Variants in ART3 observed in about 807,000 individuals in gnomAD.
The protein encoded by ART3 is ADP-ribosyltransferase 3 (inactive).
ART3 carries 49 observed loss-of-function variants against 48.5 expected under a neutral mutation model. The ratio of observed to expected loss-of-function variants is 1.01; its 90% CI spans 0.80 to 1.28. ART3 has a LOEUF of 1.28. Among genes scored for constraint, ART3 ranks in the 50% most tolerant of loss-of-function variants. ART3 has a pLI of 0.00. For missense variants in ART3, 438 were observed against 454.3 expected (o/e 0.96, Z 0.33); for synonymous variants, 145 against 157.2 (o/e 0.92, Z 0.58).
intron 1 of ART3, among the ~76,000 whole-genome samples, chr4:76,038,629 AAC>A (rs1734659314): frequency 6.6e-6 from 1 of 152,214 alleles, no homozygotes. Flanking sequence ...CAGCATTAGA[AAC>A]ACAGTAGAGC....
chr4:76,017,312 C>T (rs2149359740), intron 1 of ART3, among the ~76,000 whole-genome samples: 1 of 152,018 alleles, frequency 6.6e-6, no homozygotes, highest in Admixed American at 6.6e-5. Flanking sequence ...AGCAGTGGGT[C>T]CTTCCCTTCA....
intron 1 of ART3, among the ~76,000 whole-genome samples, chr4:76,015,885 T>C (rs1467945381): frequency 1.3e-5 from 2 of 152,248 alleles, no homozygotes; most frequent in Non-Finnish European, 2.9e-5. Flanking sequence ...GGCCTTGGCC[T>C]CCTAGAGTGC....
intron 3 of ART3, among the ~76,000 whole-genome samples, chr4:76,086,105 A>ACC (rs371291432): frequency 3.5e-4 from 50 of 144,094 alleles, no homozygotes; most frequent in African/African-American, 1.2e-3. Flanking sequence ...CTACCATATG[A>ACC]CCCAGTAATC....
intron 5 of ART3, chr4:76,099,266 G>T (rs1021987691): frequency 5.0e-6 from 2 of 402,548 alleles, no homozygotes; most frequent in Non-Finnish European, 9.3e-6. Flanking sequence ...TGCACCCACT[G>T]CACTCCAGCC....
Position 76,069,581 on chromosome 4 carries a change from G to A in ART3, c.-9-6300G>A, listed in dbSNP as rs28615853. Among the ~76,000 whole-genome samples the A allele has an allele frequency of 9.1e-4, 138 of 151,348 alleles. 1 individual carries two copies. The highest frequency in any genetic ancestry group is 2.1e-4 in the Non-Finnish European group (14 of 67,842). On this transcript the variant is annotated intron_variant, in intron 1 of 9. Coordinates refer to the ART3 transcript ENST00000341029. ...ATTTTTGTATTTTTAGTAGATACAC[G>A]GTTTCACCATGTTAGCCAGGCCAGT...
At chr4:76,079,050 C>G (rs1246790683) in intron 2 of ART3, among the ~76,000 whole-genome samples, 1 of 152,058 alleles carries the variant, frequency 6.6e-6, no homozygotes, top group Non-Finnish European at 1.5e-5. Context: ...CACTGCACTC[C>G]AGCCTGGGCG....
rs748852335 is a variant in ART3 at position 76,023,321 on chromosome 4, CT to C, written c.-10+12002del. The C allele has an allele frequency of 4.4e-5, 61 of 1,371,868 alleles. No homozygotes were observed. In the African/African-American group the frequency reaches 7.3e-4, roughly 16 times the overall value. The allele number at this position is 1,371,868 out of a possible 1,614,324, so 85.0% of individuals were successfully genotyped here. A position where few individuals can be genotyped will look rare whatever the true frequency, so the allele number is the denominator to read the frequency against. ...ATTTCTGTATTTTTAGAATTTATAC[CT>C]ATTCCTATTTCTCATTTTACAAATT... On this transcript the variant is annotated intron_variant, in intron 1 of 9. Transcript: ENST00000341029.
Position 76,082,430 on chromosome 4 carries a change from C to A in ART3, c.676C>A (p.Pro226Thr). The change falls in exon 3 of 12, where the codon CCT becomes ACT. Residue 226 changes from proline to threonine, a missense_variant. Coordinates refer to ENST00000355810, the MANE Select transcript of ART3 (RefSeq NM_001130016.3). The part of the protein sequence containing the change: ...DKESERITLI[P>T]LNEVFQVSQE... Reference sequence around the variant, plus strand: ...AGAAAGTGAAAGAATTACTTTAATACCTCTGAATGAGGTTTTTCAAGTGTC... The same window carrying A: ...AGAAAGTGAAAGAATTACTTTAATAACTCTGAATGAGGTTTTTCAAGTGTC... 7.4e-6 allele frequency: 12 copies of A among 1,613,836 alleles called. No individual in the cohort carries two copies. Among genetic ancestry groups the A allele is most frequent in the Non-Finnish European group, 1.0e-5 (12 of 1,180,016 alleles).
chr4:76,112,691 T>C lies in ART3; in HGVS notation c.*172T>C. 1 of 686,672 alleles carries C rather than the reference T, an allele frequency of 1.5e-6. No homozygotes were observed. The highest frequency in any genetic ancestry group is 3.6e-5 in the Admixed American group (1 of 27,906). 42.5% of individuals were successfully genotyped at this position (686,672 alleles called of 1,614,324 possible). A position where few individuals can be genotyped will look rare whatever the true frequency, so the allele number is the denominator to read the frequency against. ...TTCAGAAAGTTGGTCCAGATATATG[T>C]CACAGAACTTTTCACTTGTATACTA... On this transcript the variant is annotated 3_prime_UTR_variant, in exon 12 of 12. Coordinates refer to ENST00000355810, the MANE Select transcript of ART3 (RefSeq NM_001130016.3).
At chr4:76,105,516 GT>G (rs1314052244) in intron 10 of ART3, 13 of 1,288,760 alleles carry the variant, frequency 1.0e-5, no homozygotes, top group Non-Finnish European at 1.2e-5. Context: ...CCTCTTTCTT[GT>G]TTAGGAATAA....
intron 1 of ART3, among the ~76,000 whole-genome samples, chr4:76,038,696 A>ATTATTTATTTAT (rs58279842): frequency 2.7e-5 from 4 of 149,528 alleles, no homozygotes; most frequent in African/African-American, 9.9e-5. Flanking sequence ...TCCACCCTTG[A>ATTATTTATTTAT]TTATTTATTT....
At chr4:76,050,492 T>A (rs1735953956) in intron 1 of ART3, among the ~76,000 whole-genome samples, 1 of 152,156 alleles carries the variant, frequency 6.6e-6, no homozygotes, top group African/African-American at 2.4e-5. Flanking sequence ...TTTACAAACC[T>A]TGAGCTAGAT....
intron 1 of ART3, among the ~76,000 whole-genome samples, chr4:76,049,884 G>A (rs537153923): frequency 8.6e-5 from 13 of 151,998 alleles, no homozygotes; most frequent in African/African-American, 1.9e-4. Flanking sequence ...AAGGTGGCGC[G>A]TCTGGAGTTT....
At chr4:76,102,444 T>G (rs539472402) in intron 8 of ART3, among the ~76,000 whole-genome samples, 57 of 152,266 alleles carry the variant, frequency 3.7e-4, no homozygotes, top group African/African-American at 1.3e-3. Context: ...AAACTTAGTC[T>G]GAAGCAATGG....
intron 1 of ART3, among the ~76,000 whole-genome samples, chr4:76,030,164 C>T (rs1733746266): frequency 6.6e-6 from 1 of 152,216 alleles, no homozygotes; most frequent in African/African-American, 2.4e-5. Context: ...TCAAGCGATT[C>T]TCCTGCCTCA....
intron 3 of ART3, among the ~76,000 whole-genome samples, chr4:76,094,501 G>T (rs1419171949): frequency 6.6e-6 from 1 of 152,124 alleles, no homozygotes; most frequent in Non-Finnish European, 1.5e-5. Flanking sequence ...CTTTGTTCTG[G>T]TACATAGTTA....
intron 3 of ART3, among the ~76,000 whole-genome samples, chr4:76,091,044 A>G (rs1241391768): frequency 2.0e-5 from 3 of 152,216 alleles, no homozygotes; most frequent in Non-Finnish European, 4.4e-5. Context: ...TTCACTCGGC[A>G]TAATTGTTTT....
At chr4:76,061,643 C>T (rs1285103125) in intron 1 of ART3, among the ~76,000 whole-genome samples, 1 of 152,200 alleles carries the variant, frequency 6.6e-6, no homozygotes, top group Non-Finnish European at 1.5e-5. Context: ...TCTTTCCTCC[C>T]CAACTTTTTA....
At chr4:76,034,653 G>C (rs1734181650) in intron 1 of ART3, 1 of 729,986 alleles carries the variant, frequency 1.4e-6, no homozygotes, top group African/African-American at 1.8e-5. Flanking sequence ...TCACATAACT[G>C]TACAAAAGTT....
Sources: gnomAD v4.1 joint callset for allele counts (sites outside exome capture counted in the v4.1 genomes callset) on GRCh38, gnomAD v4.1.1 for gene constraint, MANE v1.5 for transcripts, NCBI Gene and HGNC (gene_info 2026-07-23, HGNC 2026-07-21) for gene names.